Variants in TRPM1 observed in about 807,000 individuals in gnomAD.
TRPM1 encodes the protein transient receptor potential cation channel subfamily M member 1.
TRPM1 carries 113 observed loss-of-function variants against 149.4 expected under a neutral mutation model. The observed-to-expected ratio is 0.76, with a 90% CI of 0.65 to 0.88. The LOEUF (loss-of-function observed/expected upper bound fraction) is 0.88, where lower values mean the gene tolerates loss of function less well. Among genes scored for constraint, TRPM1 ranks in the 40% least tolerant of loss-of-function variants. TRPM1 has a pLI of 0.00. For missense variants in TRPM1, 1,976 were observed against 2,038.7 expected, an observed-to-expected ratio of 0.97 and a Z score of 0.59; for synonymous variants, 741 against 759.5, an observed-to-expected ratio of 0.98 and a Z score of 0.40.
intron 1 of TRPM1, among the ~76,000 whole-genome samples, chr15:31,156,197 A>C (rs1044640911): frequency 7.3e-6 from 1 of 136,428 alleles, no homozygotes; most frequent in African/African-American, 2.9e-5. Context: ...ACCTCTGTCA[A>C]AAAAAAAAAA....
chr15:31,144,353 C>T (rs2036196744), intron 1 of TRPM1, among the ~76,000 whole-genome samples: 1 of 152,162 alleles, frequency 6.6e-6, no homozygotes, highest in African/African-American at 2.4e-5. Context: ...GGGAGGATCA[C>T]TTGAGCTGGG....
intron 1 of TRPM1, among the ~76,000 whole-genome samples, chr15:31,160,099 T>G (rs949655229): frequency 5.3e-5 from 8 of 152,150 alleles, no homozygotes; most frequent in Admixed American, 4.6e-4. Context: ...GCAAGTGGTG[T>G]CCAGAGGCTT....
At chr15:31,034,635 G>A (rs1336767759) in intron 21 of TRPM1, among the ~76,000 whole-genome samples, 2 of 152,204 alleles carry the variant, frequency 1.3e-5, no homozygotes, top group Non-Finnish European at 2.9e-5. Context: ...CTGACTGGGA[G>A]CCCTCCCTTC....
chr15:31,088,873 G>A (rs1467694844), intron 1 of TRPM1, among the ~76,000 whole-genome samples: 1 of 38,274 alleles, frequency 2.6e-5, no homozygotes, highest in Admixed American at 3.9e-4. Flanking sequence ...ATTGACATTT[G>A]GCCCCCCCGA....
intron 4 of TRPM1, chr15:31,069,644 A>G: frequency 7.3e-7 from 1 of 1,362,066 alleles, no homozygotes; most frequent in South Asian, 2.2e-5. Context: ...CTGTGGACAG[A>G]CCTCAGAGGA....
At chr15:31,102,795 C>T (rs1055220956), upstream of TRPM1, among the ~76,000 whole-genome samples, 1 of 152,228 alleles carries the variant, frequency 6.6e-6, no homozygotes, top group African/African-American at 2.4e-5. Flanking sequence ...AGTGGGCGTG[C>T]AAAGGGTCTG....
At chr15:31,113,432 G>GTT (rs3080947) in intron 1 of TRPM1, among the ~76,000 whole-genome samples, 26,481 of 149,236 alleles carry the variant, frequency 0.18, 2,585 homozygotes, top group African/African-American at 0.22. Context: ...AGCTCTGACA[G>GTT]TTTTTTTTTT....
intron 1 of TRPM1, among the ~76,000 whole-genome samples, chr15:31,113,232 ATCAACAAGAAAGGGAGGGC>A (rs1335797406): frequency 6.6e-6 from 1 of 152,078 alleles, no homozygotes; most frequent in African/African-American, 2.4e-5. Flanking sequence ...TCCCAGCCAA[ATCAACAAGAAAGGGAGGGC>A]TCCACAGGAC....
At chr15:31,144,934 T>C (rs1325064943) in intron 1 of TRPM1, among the ~76,000 whole-genome samples, 1 of 152,094 alleles carries the variant, frequency 6.6e-6, no homozygotes, top group Non-Finnish European at 1.5e-5. Flanking sequence ...CAGGCTGATC[T>C]CGAGCTCCCG....
chr15:31,013,973 G>A (rs922530996), intron 27 of TRPM1, among the ~76,000 whole-genome samples: 1 of 152,138 alleles, frequency 6.6e-6, no homozygotes, highest in Non-Finnish European at 1.5e-5. Flanking sequence ...CAACACTCAG[G>A]CAGTTTACAT....
chr15:31,030,240 T>G (rs543446809), intron 23 of TRPM1, among the ~76,000 whole-genome samples: 1 of 152,216 alleles, frequency 6.6e-6, no homozygotes, highest in Admixed American at 6.5e-5. Flanking sequence ...GCAGCAGACA[T>G]GCTATTATAG....
At chr15:31,006,583 C>T (rs1234887940) in intron 27 of TRPM1, among the ~76,000 whole-genome samples, 5 of 152,192 alleles carry the variant, frequency 3.3e-5, no homozygotes, top group Non-Finnish European at 5.9e-5. Flanking sequence ...CATTCATGTA[C>T]AGGTTTTGTG....
At chr15:31,139,806 T>C (rs912485429) in intron 1 of TRPM1, among the ~76,000 whole-genome samples, 13 of 152,362 alleles carry the variant, frequency 8.5e-5, no homozygotes, top group Admixed American at 8.5e-4. Context: ...GCTAACTTTG[T>C]GTAACCAGCA....
chr15:31,058,496 C>A (rs2034143403), intron 11 of TRPM1, among the ~76,000 whole-genome samples: 1 of 152,200 alleles, frequency 6.6e-6, no homozygotes, highest in Admixed American at 6.5e-5. Flanking sequence ...GTCAAAGCTG[C>A]TGGTTTCTCC....
intron 1 of TRPM1, among the ~76,000 whole-genome samples, chr15:31,086,717 C>A (rs529572190): frequency 6.6e-5 from 10 of 152,310 alleles, no homozygotes; most frequent in African/African-American, 2.4e-4. Context: ...CCCACAGATC[C>A]TGTGCCAGGT....
chr15:31,103,306 A>G (rs369838267), upstream of TRPM1, among the ~76,000 whole-genome samples: 3 of 152,200 alleles, frequency 2.0e-5, no homozygotes, highest in East Asian at 5.8e-4. Flanking sequence ...GGGAGCTGAG[A>G]TGTCTCACAC....
At chr15:31,059,898 A>C (rs1395116635) in intron 11 of TRPM1, among the ~76,000 whole-genome samples, 1 of 151,876 alleles carries the variant, frequency 6.6e-6, no homozygotes, top group Non-Finnish European at 1.5e-5. Flanking sequence ...ATGTGTGTTC[A>C]CACACACACA....
chr15:31,129,469 C>T (rs552993007), intron 1 of TRPM1, among the ~76,000 whole-genome samples: 1 of 152,178 alleles, frequency 6.6e-6, no homozygotes, highest in Non-Finnish European at 1.5e-5. Flanking sequence ...CTGCTGCCCC[C>T]ACCTGGCCGC....
At chr15:31,083,158 G>A (rs2034907265) in intron 1 of TRPM1, among the ~76,000 whole-genome samples, 1 of 152,144 alleles carries the variant, frequency 6.6e-6, no homozygotes, top group Non-Finnish European at 1.5e-5. Context: ...TTTACTCAAA[G>A]CCCTATGTCT....
Sources: allele counts gnomAD v4.1 joint callset (sites outside exome capture counted in the v4.1 genomes callset), GRCh38; gene constraint gnomAD v4.1.1; transcripts MANE v1.5; gene names NCBI Gene and HGNC (gene_info 2026-07-23, HGNC 2026-07-21).